RNF17: variants seen among roughly 807,000 people sequenced by gnomAD.
The protein encoded by RNF17 is ring finger protein 17, also known as spermatogenesis associated 23.
A neutral mutation model predicts 200.5 loss-of-function variants in RNF17; 31 were observed. That is an observed-to-expected ratio of 0.15 (90% confidence interval 0.12 to 0.21). RNF17 has a LOEUF of 0.21. Among genes scored for constraint, RNF17 ranks in the 10% least tolerant of loss-of-function variants. RNF17 has a pLI of 1.00. For missense variants in RNF17, 1,628 were observed against 1,905.1 expected, an observed-to-expected ratio of 0.85 and a Z score of 2.71; for synonymous variants, 606 against 637.8, an observed-to-expected ratio of 0.95 and a Z score of 0.75.
chr13:24,753,191 T>C, the RNF17 span, among the ~76,000 whole-genome samples: 1 of 152,250 alleles, frequency 6.6e-6, no homozygotes, highest in Non-Finnish European at 1.5e-5. Context: ...ATAGAACTTC[T>C]GAAGCATCAT....
rs768491593 is a variant in RNF17 at position 24,830,489 on chromosome 13, C to A, written c.2251C>A (p.Pro751Thr). 7 of 1,579,830 alleles carry A rather than the reference C, an allele frequency of 4.4e-6. No individual in the cohort carries two copies. In the African/African-American group the frequency reaches 9.5e-5, roughly 22 times the overall value. The change falls in exon 17 of 36, where the codon CCT becomes ACT. Residue 751 changes from proline to threonine, a missense_variant. Coordinates refer to ENST00000255324, the MANE Select transcript of RNF17 (RefSeq NM_031277.3). The part of the protein sequence containing the change: ...IWYRAKVIGL[P>T]GHQEVEVKYV... ...TAATTTCATAATTTTTCAAGGATTG[C>A]CTGGACATCAGGAAGTTGAAGTTAA...
At chr13:24,758,952 T>C in the RNF17 span, among the ~76,000 whole-genome samples, 4 of 151,880 alleles carry the variant, frequency 2.6e-5, no homozygotes, top group African/African-American at 9.7e-5. Context: ...GGTGTGTGCC[T>C]GTAGTCCCAG....
At chr13:24,815,836 CTT>C (rs1376866096) in intron 15 of RNF17, among the ~76,000 whole-genome samples, 12 of 152,054 alleles carry the variant, frequency 7.9e-5, no homozygotes, top group Non-Finnish European at 1.5e-4. Flanking sequence ...ATGTTTTGGT[CTT>C]TTCTCCTTCA....
Position 24,825,539 on chromosome 13 carries a change from A to G in RNF17, c.2092-80A>G, listed in dbSNP as rs12429158. On this transcript the variant is annotated intron_variant, in intron 15 of 35. Coordinates refer to ENST00000255324, the MANE Select transcript of RNF17 (RefSeq NM_031277.3). Reference sequence around the variant, plus strand: ...CAAGTTTTAATGTTTCATAATTTCAATGACAGTGCTTGTAATTCATTCAAC... The same window carrying G: ...CAAGTTTTAATGTTTCATAATTTCAGTGACAGTGCTTGTAATTCATTCAAC... The G allele has an allele frequency of 0.4, 342,323 of 857,804 alleles. 69,921 individuals are homozygous for G. Among genetic ancestry groups the G allele is most frequent in the Admixed American group, 0.47 (19,278 of 41,148 alleles). The allele number at this position is 857,804 out of a possible 1,614,324, so 53.1% of individuals were successfully genotyped here. A position where few individuals can be genotyped will look rare whatever the true frequency, so the allele number is the denominator to read the frequency against.
At chr13:24,782,607 G>GA (rs549869824) in intron 6 of RNF17, among the ~76,000 whole-genome samples, 5 of 99,002 alleles carry the variant, frequency 5.1e-5, no homozygotes, top group African/African-American at 1.3e-4. Flanking sequence ...GGCTGAGATG[G>GA]GGGGGGGATC....
intron 33 of RNF17, among the ~76,000 whole-genome samples, 180 bp from the exon 34 acceptor site, chr13:24,876,816 AG>A (rs1330430696): frequency 3.9e-4 from 59 of 152,202 alleles, no homozygotes; most frequent in Non-Finnish European, 7.4e-4. Flanking sequence ...TAATTTTTTT[AG>A]GAAGTCCATT....
intron 19 of RNF17, among the ~76,000 whole-genome samples, chr13:24,843,320 C>T (rs1015374242): frequency 1.3e-4 from 20 of 152,216 alleles, no homozygotes; most frequent in Middle Eastern, 6.8e-3. Context: ...AGTTTGAGAC[C>T]ATCCTGGCCA....
intron 10 of RNF17, among the ~76,000 whole-genome samples, chr13:24,794,804 C>T (rs1280712154): frequency 6.6e-6 from 1 of 152,184 alleles, no homozygotes; most frequent in East Asian, 1.9e-4. Context: ...CTCACTGCAA[C>T]CTCCTCAGGC....
chr13:24,760,066 G>A (rs758682918), upstream of RNF17, among the ~76,000 whole-genome samples: 1 of 152,042 alleles, frequency 6.6e-6, no homozygotes, highest in Non-Finnish European at 1.5e-5. Flanking sequence ...GCTTGAACCC[G>A]GGAGGCAGAG....
chr13:24,849,059 A>T (rs564629994), intron 22 of RNF17, among the ~76,000 whole-genome samples: 1 of 152,170 alleles, frequency 6.6e-6, no homozygotes. Flanking sequence ...GTGTGGTGGC[A>T]TACACCTTTA....
chr13:24,851,988 T>C (rs2138222389), intron 24 of RNF17, among the ~76,000 whole-genome samples: 1 of 152,326 alleles, frequency 6.6e-6, no homozygotes, highest in African/African-American at 2.4e-5. Flanking sequence ...TGTATTTATA[T>C]GAAACAGGAT....
chr13:24,870,236 C>T (rs750870991), intron 31 of RNF17, among the ~76,000 whole-genome samples: 2 of 151,972 alleles, frequency 1.3e-5, no homozygotes, highest in South Asian at 2.1e-4. Flanking sequence ...TGTGAGCCAC[C>T]GCGCCCGGCC....
At chr13:24,767,463 A>C (rs1485669803) in intron 2 of RNF17, 97 bp downstream of exon 2, 2 of 880,478 alleles carry the variant, frequency 2.3e-6, no homozygotes, top group Non-Finnish European at 3.5e-6. Context: ...AGAAACTAAA[A>C]AGTTGGCCGG....
the RNF17 span, among the ~76,000 whole-genome samples, chr13:24,748,777 ACT>A: frequency 5.3e-5 from 8 of 151,014 alleles, no homozygotes; most frequent in African/African-American, 1.9e-4. Context: ...ACAGGGTCTC[ACT>A]CTGTCACCCA....
At chr13:24,771,046 A>G (rs1192527447) in intron 2 of RNF17, among the ~76,000 whole-genome samples, 3 of 152,162 alleles carry the variant, frequency 2.0e-5, no homozygotes, top group Admixed American at 6.5e-5. Flanking sequence ...AACTTTTCAT[A>G]TGTTTGACTT....
chr13:24,787,167 T>G (rs1047256168), intron 6 of RNF17, among the ~76,000 whole-genome samples: 1 of 152,156 alleles, frequency 6.6e-6, no homozygotes, highest in African/African-American at 2.4e-5. Context: ...AATTTCTGTT[T>G]GGTTATTTTA....
At chr13:24,791,122 T>A (rs771665010) in intron 9 of RNF17, among the ~76,000 whole-genome samples, 11 of 152,152 alleles carry the variant, frequency 7.2e-5, no homozygotes, top group African/African-American at 2.4e-4. Flanking sequence ...ATTATTAGAT[T>A]ACATTTTTTA....
intron 22 of RNF17, 127 bp downstream of exon 22, chr13:24,845,206 A>T: frequency 1.7e-6 from 1 of 596,916 alleles, no homozygotes. Flanking sequence ...TTCAAGAGGG[A>T]AAGAGAGAAG....
intron 1 of RNF17, among the ~76,000 whole-genome samples, chr13:24,765,668 A>G (rs747921657): frequency 1.3e-5 from 2 of 152,352 alleles, no homozygotes; most frequent in Admixed American, 1.3e-4. Flanking sequence ...TACTTCTTCC[A>G]TACATTAGTA....
Sources: allele counts gnomAD v4.1 joint callset (sites outside exome capture counted in the v4.1 genomes callset), GRCh38; gene constraint gnomAD v4.1.1; transcripts MANE v1.5; gene names NCBI Gene and HGNC (gene_info 2026-07-23, HGNC 2026-07-21).